CDH20: variants seen among roughly 807,000 people sequenced by gnomAD.
CDH20 encodes cadherin-20.
Under a neutral mutation model 74.2 loss-of-function variants are expected in CDH20, and 29 were observed. The observed-to-expected ratio is 0.39, with a 90% CI of 0.29 to 0.53. The LOEUF is 0.53. Among genes scored for constraint, CDH20 ranks in the 20% least tolerant of loss-of-function variants. The pLI is 0.69. For synonymous variants in CDH20, 469 were observed against 405.4 expected (o/e 1.16, Z -1.88); for missense variants, 988 against 1,048.3 (o/e 0.94, Z 0.79).
At chr18:61,469,403 A>ACACC (rs1484805822) in intron 1 of CDH20, among the ~76,000 whole-genome samples, 161 of 145,396 alleles carry the variant, frequency 1.1e-3, no homozygotes, top group African/African-American at 3.5e-3. Flanking sequence ...ACACACACAC[A>ACACC]CCCCTATATA....
At chr18:61,511,635 T>C (rs1021872067) in intron 6 of CDH20, among the ~76,000 whole-genome samples, 2 of 152,214 alleles carry the variant, frequency 1.3e-5, no homozygotes, top group African/African-American at 2.4e-5. Context: ...TGTTAGATTA[T>C]CACAATATAG....
intron 1 of CDH20, among the ~76,000 whole-genome samples, chr18:61,419,003 A>AT (rs1234326098): frequency 6.6e-6 from 1 of 152,054 alleles, no homozygotes; most frequent in African/African-American, 2.4e-5. Context: ...ATCTTCTTTC[A>AT]TTTTAACTGC....
Position 61,339,384 on chromosome 18 carries a change from CACACACAT to C in CDH20, c.-153+5559_-153+5566del, listed in dbSNP as rs1325267947. On this transcript the variant is annotated intron_variant, in intron 1 of 11. Coordinates refer to ENST00000262717, the MANE Select transcript of CDH20 (RefSeq NM_031891.4). ...TTACACACACACACACACACACACA[CACACACAT>C]ATATATTGCATAAGGAGAGATTGGA... Among the ~76,000 whole-genome samples, 153 of 152,028 alleles carry C rather than the reference CACACACAT, an allele frequency of 1.0e-3. 1 individual carries two copies. The highest frequency in any genetic ancestry group is 3.5e-3 in the African/African-American group (147 of 41,420).
chr18:61,460,654 C>T (rs972131690), intron 1 of CDH20, among the ~76,000 whole-genome samples: 2 of 152,122 alleles, frequency 1.3e-5, no homozygotes, highest in African/African-American at 2.4e-5. Context: ...ACCATCTTTC[C>T]CTGAAGGTAA....
chr18:61,526,509 C>CA (rs1912420371), intron 6 of CDH20, among the ~76,000 whole-genome samples: 2 of 152,140 alleles, frequency 1.3e-5, no homozygotes, highest in Admixed American at 1.3e-4. Flanking sequence ...TGTTGACACA[C>CA]AACTTTTAAG....
intron 1 of CDH20, among the ~76,000 whole-genome samples, chr18:61,463,262 C>T (rs1909848794): frequency 6.6e-6 from 1 of 152,162 alleles, no homozygotes; most frequent in African/African-American, 2.4e-5. Flanking sequence ...GCCCCAGCTC[C>T]TCACCCCATC....
At chr18:61,346,506 A>G (rs868372015) in intron 1 of CDH20, among the ~76,000 whole-genome samples, 2 of 152,368 alleles carry the variant, frequency 1.3e-5, no homozygotes, top group Middle Eastern at 3.4e-3. Context: ...TTGTTTTTTA[A>G]AAAATTGAAA....
chr18:61,411,633 C>A (rs1055937388), intron 1 of CDH20, among the ~76,000 whole-genome samples: 2 of 143,120 alleles, frequency 1.4e-5, no homozygotes, highest in Non-Finnish European at 3.1e-5. Flanking sequence ...AGATATGTAT[C>A]CACACACACA....
chr18:61,499,506 A>C (rs1911285873), intron 3 of CDH20, 26 bp downstream of exon 3: 1 of 1,551,466 alleles, frequency 6.4e-7, no homozygotes, highest in African/African-American at 1.4e-5. Flanking sequence ...GCTGATTTTC[A>C]CAAATAGCAC....
At position 61,507,366 on chromosome 18, in the gene CDH20, T is replaced by C. The variant is rs1403845213; in HGVS notation, c.830-7T>C. The C allele has an allele frequency of 1.2e-6, 2 of 1,609,294 alleles. No individual in the cohort carries two copies. The highest frequency in any genetic ancestry group is 2.2e-5 in the South Asian group (2 of 89,618). ...TCAAGAATGCGTGTCCTGGCTTTTCTTCGTAGAACATTACCAGATGAGTGT... is the reference window on the plus strand; with the variant it reads ...TCAAGAATGCGTGTCCTGGCTTTTCCTCGTAGAACATTACCAGATGAGTGT... On this transcript the variant is annotated splice_region_variant and splice_polypyrimidine_tract_variant and intron_variant, in intron 5 of 11. Coordinates refer to ENST00000262717, the MANE Select transcript of CDH20 (RefSeq NM_031891.4).
chr18:61,552,663 T>G lies in CDH20; in HGVS notation c.1901-1527T>G, dbSNP rs532108724. 7.2e-5 allele frequency among the ~76,000 whole-genome samples: 11 copies of G among 152,350 alleles called. No individual in the cohort carries two copies. In the East Asian group the frequency reaches 1.9e-3, roughly 27 times the overall value. Reference sequence around the variant, plus strand: ...ACACTTGTGGCTCTAACAGCCCTTATCACTGTCTGACTTGCATTAATTATC... The same window carrying G: ...ACACTTGTGGCTCTAACAGCCCTTAGCACTGTCTGACTTGCATTAATTATC... On this transcript the variant is annotated intron_variant, in intron 11 of 11. Transcript: ENST00000262717.
chr18:61,430,229 CTGAGAA>C (rs1380640853), intron 1 of CDH20, among the ~76,000 whole-genome samples: 1 of 152,158 alleles, frequency 6.6e-6, no homozygotes, highest in Non-Finnish European at 1.5e-5. Context: ...TATAAACTCT[CTGAGAA>C]TAAGAATATA....
intron 1 of CDH20, among the ~76,000 whole-genome samples, chr18:61,414,306 T>G (rs1015018631): frequency 6.6e-6 from 1 of 152,042 alleles, no homozygotes; most frequent in African/African-American, 2.4e-5. Flanking sequence ...TGCAGCTTGA[T>G]TCAGAAACAA....
intron 4 of CDH20, 136 bp from the exon 5 acceptor site, chr18:61,502,817 T>G (rs1173945768): frequency 3.2e-6 from 2 of 624,178 alleles, no homozygotes; most frequent in Non-Finnish European, 5.1e-6. Context: ...TTTTTTTACC[T>G]CAAATTTAAA....
chr18:61,422,236 T>C (rs952108372), intron 1 of CDH20, among the ~76,000 whole-genome samples: 5 of 152,208 alleles, frequency 3.3e-5, no homozygotes, highest in Non-Finnish European at 5.9e-5. Flanking sequence ...AATATTCTTC[T>C]GAGCTTATCG....
Position 61,555,472 on chromosome 18 carries a change from T to A in CDH20, c.*777T>A. The A allele has an allele frequency of 9.1e-6, 9 of 985,424 alleles. No individual in the cohort carries two copies. The highest frequency in any genetic ancestry group is 1.1e-5 in the Non-Finnish European group (9 of 829,904). The allele number at this position is 985,424 out of a possible 1,614,324, so 61.0% of individuals were successfully genotyped here. ...CCAGAAAAATCTGCCTCTTTTGCAC[T>A]GTAGATGTCTCTTCCATGTGCCAAA... is the stretch of plus-strand genomic sequence containing the variant. On this transcript the variant is annotated 3_prime_UTR_variant, in exon 12 of 12. Transcript: ENST00000262717.
intron 5 of CDH20, among the ~76,000 whole-genome samples, chr18:61,503,985 A>G (rs1392160041): frequency 6.6e-6 from 1 of 152,158 alleles, no homozygotes; most frequent in African/African-American, 2.4e-5. Context: ...CAGACAAAAC[A>G]ACGTCTCTAC....
chr18:61,359,468 A>G (rs1910615223), intron 1 of CDH20, among the ~76,000 whole-genome samples: 1 of 152,166 alleles, frequency 6.6e-6, no homozygotes, highest in Non-Finnish European at 1.5e-5. Context: ...CCTCATGGGT[A>G]TAAATGAGAA....
At position 61,397,901 on chromosome 18, in the gene CDH20, A is replaced by G. The variant is rs17068277; in HGVS notation, c.-153+64074A>G. 6.9e-3 allele frequency among the ~76,000 whole-genome samples: 1,045 copies of G among 152,344 alleles called. 9 individuals carry two copies. Among genetic ancestry groups the G allele is most frequent in the Non-Finnish European group, 0.011 (737 of 68,038 alleles). On this transcript the variant is annotated intron_variant, in intron 1 of 11. Transcript: ENST00000262717. ...TTAAAAGAAGTATTTAGCACTTAGTATGATGCCTTAATCGTAAGAGATGCA... is the reference window on the plus strand; with the variant it reads ...TTAAAAGAAGTATTTAGCACTTAGTGTGATGCCTTAATCGTAAGAGATGCA...
Sources: allele counts gnomAD v4.1 joint callset (sites outside exome capture counted in the v4.1 genomes callset), GRCh38; gene constraint gnomAD v4.1.1; transcripts MANE v1.5; gene names NCBI Gene and HGNC (gene_info 2026-07-23, HGNC 2026-07-21).